PCMTD1: variants seen among roughly 807,000 people sequenced by gnomAD.
The protein encoded by PCMTD1 is protein-L-isoaspartate (D-aspartate) O-methyltransferase domain containing 1.
A neutral mutation model predicts 37.6 loss-of-function variants in PCMTD1; 12 were observed. That is an observed-to-expected ratio of 0.32 (90% CI 0.20 to 0.52). The LOEUF (loss-of-function observed/expected upper bound fraction) is 0.52. Among genes scored for constraint, PCMTD1 ranks in the 20% least tolerant of loss-of-function variants. PCMTD1 has a pLI of 0.97. For synonymous variants in PCMTD1, 117 were observed against 135.8 expected (o/e 0.86, Z 0.96); for missense variants, 235 against 421.3 (o/e 0.56, Z 3.87).
At chr8:51,821,644 T>C (rs1314127981) in intron 5 of PCMTD1, among the ~76,000 whole-genome samples, 1 of 151,498 alleles carries the variant, frequency 6.6e-6, no homozygotes, top group Non-Finnish European at 1.5e-5. Context: ...CAGGGAGGAG[T>C]TGCTAAACAA....
intron 2 of PCMTD1, among the ~76,000 whole-genome samples, chr8:51,847,165 A>G (rs2129281587): frequency 1.3e-5 from 2 of 152,314 alleles, no homozygotes; most frequent in Middle Eastern, 6.8e-3. Flanking sequence ...AAACTGAGTA[A>G]AACTAAAATT....
intron 1 of PCMTD1, among the ~76,000 whole-genome samples, chr8:51,892,164 A>T (rs1200463544): frequency 6.6e-6 from 1 of 152,228 alleles, no homozygotes; most frequent in Non-Finnish European, 1.5e-5. Context: ...AACCACATAC[A>T]ATATTGTAAG....
At chr8:51,855,357 G>A (rs1177727852) in intron 2 of PCMTD1, among the ~76,000 whole-genome samples, 6 of 146,932 alleles carry the variant, frequency 4.1e-5, no homozygotes, top group South Asian at 2.1e-4. Context: ...GCGAAACCCC[G>A]TCTTTAATAC....
chr8:51,875,664 C>G (rs949313661), intron 1 of PCMTD1, among the ~76,000 whole-genome samples: 5 of 152,112 alleles, frequency 3.3e-5, no homozygotes, highest in Non-Finnish European at 4.4e-5. Context: ...GGTGTTTGGA[C>G]CAGTGGCTCA....
At chr8:51,834,940 A>G (rs1257300235) in intron 3 of PCMTD1, among the ~76,000 whole-genome samples, 2 of 152,006 alleles carry the variant, frequency 1.3e-5, no homozygotes, top group Non-Finnish European at 2.9e-5. Flanking sequence ...ATGCCCCATT[A>G]TTTCTTTTAC....
chr8:51,833,759 A>C (rs1365462274), intron 3 of PCMTD1, 70 bp from the exon 4 acceptor site: 12 of 1,285,220 alleles, frequency 9.3e-6, no homozygotes, highest in Non-Finnish European at 1.3e-5. Flanking sequence ...ACCATAATCC[A>C]GTCCTTTGAA....
intron 1 of PCMTD1, among the ~76,000 whole-genome samples, chr8:51,875,502 C>T (rs2038697193): frequency 6.6e-6 from 1 of 152,176 alleles, no homozygotes; most frequent in Non-Finnish European, 1.5e-5. Flanking sequence ...TCACTTGCTA[C>T]TCCTTAGAAG....
At chr8:51,871,744 T>C (rs1360998097) in intron 1 of PCMTD1, among the ~76,000 whole-genome samples, 1 of 152,238 alleles carries the variant, frequency 6.6e-6, no homozygotes, top group Non-Finnish European at 1.5e-5. Flanking sequence ...ATGAAAGTTA[T>C]AGTTTTCTAC....
intron 1 of PCMTD1, among the ~76,000 whole-genome samples, chr8:51,891,318 G>A (rs1346352919): frequency 3.9e-5 from 6 of 152,168 alleles, no homozygotes; most frequent in Admixed American, 2.0e-4. Flanking sequence ...GGGAGGACAA[G>A]GCAGGAGGAT....
chr8:51,835,445 T>C (rs1274227675), intron 3 of PCMTD1, among the ~76,000 whole-genome samples: 2 of 152,218 alleles, frequency 1.3e-5, no homozygotes, highest in Admixed American at 6.5e-5. Context: ...TCGGATTGTT[T>C]AAAATATGGC....
chr8:51,871,563 T>A (rs866422141), intron 1 of PCMTD1, among the ~76,000 whole-genome samples: 1 of 152,218 alleles, frequency 6.6e-6, no homozygotes, highest in East Asian at 1.9e-4. Flanking sequence ...ATTTGTTACA[T>A]AATTTAGCAA....
chr8:51,896,752 C>T (rs1174063648), intron 1 of PCMTD1, among the ~76,000 whole-genome samples: 1 of 152,098 alleles, frequency 6.6e-6, no homozygotes, highest in Non-Finnish European at 1.5e-5. Flanking sequence ...TGTAGTTATT[C>T]TGTAAGGAAC....
intron 5 of PCMTD1, chr8:51,827,006 A>G: frequency 1.1e-6 from 1 of 952,238 alleles, no homozygotes; most frequent in Non-Finnish European, 1.3e-6. Context: ...TATATATATT[A>G]TTTTTGGGAT....
At chr8:51,833,129 G>C (rs1277065097) in intron 4 of PCMTD1, among the ~76,000 whole-genome samples, 3 of 152,178 alleles carry the variant, frequency 2.0e-5, no homozygotes, top group Admixed American at 1.3e-4. Flanking sequence ...ACAGGCGTGA[G>C]CCAGCATGCC....
intron 3 of PCMTD1, among the ~76,000 whole-genome samples, chr8:51,834,784 C>A (rs555047345): frequency 2.3e-4 from 35 of 152,272 alleles, no homozygotes; most frequent in African/African-American, 7.9e-4. Flanking sequence ...TTATAAACAT[C>A]TATTTCCTAA....
chr8:51,829,173 C>T (rs545042474), intron 5 of PCMTD1, among the ~76,000 whole-genome samples: 1 of 152,186 alleles, frequency 6.6e-6, no homozygotes, highest in Non-Finnish European at 1.5e-5. Flanking sequence ...ATCTATGACT[C>T]TCACCAATCT....
intron 1 of PCMTD1, among the ~76,000 whole-genome samples, chr8:51,878,358 A>G (rs894479379): frequency 6.6e-6 from 1 of 150,470 alleles, no homozygotes; most frequent in Non-Finnish European, 1.5e-5. Flanking sequence ...AAGATTGGAC[A>G]CCCCTGGTGT....
intron 3 of PCMTD1, among the ~76,000 whole-genome samples, chr8:51,835,900 A>G (rs533721377): frequency 1.3e-5 from 2 of 152,330 alleles, no homozygotes; most frequent in Admixed American, 6.5e-5. Context: ...TAAATTAGAA[A>G]TAATTTAGTG....
intron 1 of PCMTD1, among the ~76,000 whole-genome samples, chr8:51,876,835 T>C (rs2038719546): frequency 6.6e-6 from 1 of 152,194 alleles, no homozygotes. Context: ...GGAAAAGCTC[T>C]CACAGTAGAA....
Sources: allele counts gnomAD v4.1 joint callset (sites outside exome capture counted in the v4.1 genomes callset), GRCh38; gene constraint gnomAD v4.1.1; transcripts MANE v1.5; gene names NCBI Gene and HGNC (gene_info 2026-07-23, HGNC 2026-07-21).